Variants in STARD3NL observed in about 807,000 individuals in gnomAD.
STARD3NL encodes STARD3 N-terminal-like protein.
Under a neutral mutation model 30.9 loss-of-function variants are expected in STARD3NL, and 17 were observed. The observed-to-expected ratio is 0.55, with a 90% CI of 0.38 to 0.82. STARD3NL has a LOEUF of 0.82. STARD3NL is among the 40% of genes least tolerant of loss of function. STARD3NL has a pLI of 0.00. For missense variants in STARD3NL, 234 were observed against 277.6 expected (o/e 0.84, Z 1.12); for synonymous variants, 112 against 100.5 (o/e 1.11, Z -0.69).
intron 1 of STARD3NL, among the ~76,000 whole-genome samples, chr7:38,188,073 C>T (rs551406193): frequency 1.3e-5 from 2 of 152,182 alleles, no homozygotes; most frequent in Non-Finnish European, 2.9e-5. Flanking sequence ...CTGGTTTCCC[C>T]ACTTCTTTGC....
intron 1 of STARD3NL, among the ~76,000 whole-genome samples, 180 bp downstream of exon 1, chr7:38,178,600 C>G (rs1343468992): frequency 6.6e-6 from 1 of 152,216 alleles, no homozygotes; most frequent in Non-Finnish European, 1.5e-5. Flanking sequence ...AGGCTGTGCT[C>G]ATAATGGACA....
At chr7:38,182,990 C>T (rs1441985775) in intron 1 of STARD3NL, among the ~76,000 whole-genome samples, 4 of 152,156 alleles carry the variant, frequency 2.6e-5, no homozygotes, top group African/African-American at 9.7e-5. Flanking sequence ...CATTATTGCT[C>T]ACCAAAGTAT....
intron 1 of STARD3NL, among the ~76,000 whole-genome samples, chr7:38,205,621 T>G (rs1043176017): frequency 7.2e-6 from 1 of 138,394 alleles, no homozygotes; most frequent in African/African-American, 3.0e-5. Flanking sequence ...TAATATGGAT[T>G]TTTATTGAAA....
intron 1 of STARD3NL, among the ~76,000 whole-genome samples, chr7:38,194,110 G>T (rs10253621): frequency 0.83 from 125,913 of 152,128 alleles, 52,269 homozygotes; most frequent in African/African-American, 0.88. Context: ...GTCATTTGCT[G>T]CTTCTTAGTG....
intron 1 of STARD3NL, among the ~76,000 whole-genome samples, chr7:38,197,697 C>T (rs4723736): frequency 0.22 from 33,328 of 152,164 alleles, 4,040 homozygotes; most frequent in Admixed American, 0.34. Context: ...CACATGGGTG[C>T]CTTTAGAATA....
Position 38,211,375 on chromosome 7 carries a change from G to A in STARD3NL, c.226-2982G>A, listed in dbSNP as rs1315543843. ...GATCTGGGAAGGATGATCCTTCAGT[G>A]TGGGAGCTTGGGGAGAGGGTTTGGA... On this transcript the variant is annotated intron_variant, in intron 2 of 8. Coordinates refer to ENST00000009041, the MANE Select transcript of STARD3NL (RefSeq NM_032016.4). Among the ~76,000 whole-genome samples the A allele has an allele frequency of 3.3e-5, 5 of 152,144 alleles. No homozygotes were observed. The East Asian group carries it at 9.6e-4, about 29-fold the overall frequency.
intron 3 of STARD3NL, among the ~76,000 whole-genome samples, chr7:38,214,712 G>T (rs940420236): frequency 6.6e-5 from 10 of 152,152 alleles, no homozygotes; most frequent in Non-Finnish European, 2.9e-5. Context: ...CTTTCAAATG[G>T]CTCAAATAGA....
intron 1 of STARD3NL, among the ~76,000 whole-genome samples, chr7:38,187,278 G>A (rs776586138): frequency 3.3e-5 from 5 of 152,192 alleles, no homozygotes; most frequent in Non-Finnish European, 5.9e-5. Context: ...TGTAGTCTAT[G>A]GAACAACTTA....
chr7:38,193,827 T>C lies in STARD3NL; in HGVS notation c.-58-13620T>C, dbSNP rs576209806. Among the ~76,000 whole-genome samples, 10 of 152,312 alleles carry C rather than the reference T, an allele frequency of 6.6e-5. No individual in the cohort carries two copies. In the South Asian group the frequency reaches 2.1e-3, roughly 32 times the overall value. ...TATGTAATATATAATTATGTTATAT[T>C]AATATGTGTGGTTAGTTTATACTTT... On this transcript the variant is annotated intron_variant, in intron 1 of 8. Coordinates refer to ENST00000009041, the MANE Select transcript of STARD3NL (RefSeq NM_032016.4).
chr7:38,228,175 C>T (rs1187131217), intron 7 of STARD3NL, among the ~76,000 whole-genome samples: 2 of 152,152 alleles, frequency 1.3e-5, no homozygotes, highest in African/African-American at 4.8e-5. Context: ...CAGTATTAAC[C>T]TTTCTTCTAT....
intron 1 of STARD3NL, among the ~76,000 whole-genome samples, chr7:38,178,793 G>A (rs925215314): frequency 7.2e-5 from 11 of 152,058 alleles, no homozygotes; most frequent in Admixed American, 2.6e-4. Flanking sequence ...ATTGGTGACT[G>A]GGTGTAATGC....
intron 1 of STARD3NL, among the ~76,000 whole-genome samples, chr7:38,198,721 C>A (rs1746087957): frequency 6.6e-6 from 1 of 152,146 alleles, no homozygotes; most frequent in African/African-American, 2.4e-5. Flanking sequence ...CTCTCTTCTC[C>A]TCCTAGGAAG....
intron 1 of STARD3NL, among the ~76,000 whole-genome samples, chr7:38,197,364 T>C (rs760909458): frequency 3.3e-5 from 5 of 151,832 alleles, no homozygotes; most frequent in Non-Finnish European, 5.9e-5. Flanking sequence ...TAGCTAAGAC[T>C]ACAAGTCTAC....
intron 1 of STARD3NL, among the ~76,000 whole-genome samples, chr7:38,180,251 C>T (rs1483057812): frequency 6.6e-6 from 1 of 152,200 alleles, no homozygotes; most frequent in Admixed American, 6.5e-5. Context: ...TCCTTCAGCA[C>T]CTTATCCGAT....
At chr7:38,207,966 AT>A (rs1785587235) in intron 2 of STARD3NL, among the ~76,000 whole-genome samples, 1 of 152,118 alleles carries the variant, frequency 6.6e-6, no homozygotes, top group African/African-American at 2.4e-5. Flanking sequence ...AATTCCTGGT[AT>A]TTTGCTCTGT....
At chr7:38,181,978 G>A (rs1583765325) in intron 1 of STARD3NL, among the ~76,000 whole-genome samples, 1 of 152,132 alleles carries the variant, frequency 6.6e-6, no homozygotes, top group Admixed American at 6.5e-5. Context: ...TATCAATAAA[G>A]CATTTCCCGT....
intron 4 of STARD3NL, chr7:38,215,340 C>T: frequency 2.0e-6 from 1 of 505,224 alleles, no homozygotes; most frequent in South Asian, 3.1e-5. Flanking sequence ...AATCTAGAAG[C>T]CCAACAGTGA....
intron 7 of STARD3NL, among the ~76,000 whole-genome samples, chr7:38,228,145 C>T (rs1376959897): frequency 6.6e-6 from 1 of 152,142 alleles, no homozygotes; most frequent in Non-Finnish European, 1.5e-5. Flanking sequence ...TAAGTGGATA[C>T]AAGATATGTT....
chr7:38,186,631 C>T (rs1784470565), intron 1 of STARD3NL, among the ~76,000 whole-genome samples: 1 of 152,130 alleles, frequency 6.6e-6, no homozygotes, highest in Non-Finnish European at 1.5e-5. Context: ...TTTAGATATG[C>T]AAATACTTCT....
Sources: gnomAD v4.1 joint callset for allele counts (sites outside exome capture counted in the v4.1 genomes callset) on GRCh38, gnomAD v4.1.1 for gene constraint, MANE v1.5 for transcripts, NCBI Gene and HGNC (gene_info 2026-07-23, HGNC 2026-07-21) for gene names.